Variants in CYRIB observed in about 807,000 individuals in gnomAD.
CYRIB encodes CYFIP-related Rac1 interactor B.
In CYRIB, 8 loss-of-function variants were observed where a neutral mutation model predicts 44.2. The ratio of observed to expected loss-of-function variants is 0.18; its 90% CI spans 0.11 to 0.33. The LOEUF (loss-of-function observed/expected upper bound fraction) is 0.33, where lower values mean the gene tolerates loss of function less well. CYRIB is among the 10% of genes least tolerant of loss of function. The probability of loss-of-function intolerance (pLI) is 1.00; values close to 1 mark genes in which losing one functional copy is unlikely to be tolerated. For synonymous variants in CYRIB, 131 were observed against 127.2 expected (o/e 1.03, Z -0.20); for missense variants, 185 against 382.8 (o/e 0.48, Z 4.31).
chr8:129,974,926 C>T (rs2095854380), intron 1 of CYRIB, among the ~76,000 whole-genome samples: 1 of 151,324 alleles, frequency 6.6e-6, no homozygotes, highest in African/African-American at 2.4e-5. Context: ...GTTCTGTCAC[C>T]CAGGCTGCAG....
intron 1 of CYRIB, among the ~76,000 whole-genome samples, chr8:130,011,707 C>T (rs539616285): frequency 2.0e-5 from 3 of 151,786 alleles, no homozygotes; most frequent in Non-Finnish European, 2.9e-5. Flanking sequence ...GTGGCGGGTG[C>T]CTGTAGTCCC....
chr8:129,865,915 G>C (rs1034998755), intron 4 of CYRIB, among the ~76,000 whole-genome samples: 4 of 152,186 alleles, frequency 2.6e-5, no homozygotes, highest in African/African-American at 9.7e-5. Context: ...ATATTTATCA[G>C]TAACACTAAT....
At chr8:129,967,165 G>A (rs1471004357) in intron 2 of CYRIB, among the ~76,000 whole-genome samples, 7 of 152,118 alleles carry the variant, frequency 4.6e-5, no homozygotes, top group Non-Finnish European at 1.0e-4. Flanking sequence ...AAAGGCAGTG[G>A]TGTTCTGAAG....
chr8:129,928,417 C>T (rs2089315103), intron 1 of CYRIB, among the ~76,000 whole-genome samples: 2 of 150,316 alleles, frequency 1.3e-5, no homozygotes, highest in African/African-American at 4.9e-5. Context: ...GACCTGGATA[C>T]AAAATATATA....
At chr8:129,924,930 G>A (rs528194347) in intron 1 of CYRIB, among the ~76,000 whole-genome samples, 1 of 152,320 alleles carries the variant, frequency 6.6e-6, no homozygotes, top group South Asian at 2.1e-4. Flanking sequence ...GTGACTGAAA[G>A]ATCTTTAGTA....
At chr8:129,917,020 C>T (rs2081111677) in intron 1 of CYRIB, among the ~76,000 whole-genome samples, 1 of 152,164 alleles carries the variant, frequency 6.6e-6, no homozygotes, top group Admixed American at 6.5e-5. Context: ...CTGTTGCAAG[C>T]ATTAAATAAG....
chr8:129,918,576 T>G (rs949225103), intron 1 of CYRIB, among the ~76,000 whole-genome samples: 1 of 152,198 alleles, frequency 6.6e-6, no homozygotes, highest in South Asian at 2.1e-4. Context: ...GAGATAAAGG[T>G]ATATTCCATG....
intron 2 of CYRIB, among the ~76,000 whole-genome samples, chr8:129,882,994 G>A (rs547260455): frequency 6.0e-5 from 9 of 151,086 alleles, no homozygotes; most frequent in Admixed American, 2.6e-4. Flanking sequence ...TCAGGAGTTC[G>A]AGACCAGTCT....
chr8:130,011,701 C>G (rs55878330), intron 1 of CYRIB, among the ~76,000 whole-genome samples: 1 of 148,848 alleles, frequency 6.7e-6, no homozygotes, highest in Non-Finnish European at 1.5e-5. Flanking sequence ...GGCATGGTGG[C>G]GGGTGCCTGT....
At chr8:129,918,991 G>A (rs1307277648) in intron 1 of CYRIB, among the ~76,000 whole-genome samples, 3 of 152,026 alleles carry the variant, frequency 2.0e-5, no homozygotes, top group Non-Finnish European at 4.4e-5. Context: ...ATACTCTAAG[G>A]TGTGTCCACC....
intron 4 of CYRIB, among the ~76,000 whole-genome samples, chr8:129,868,891 TAA>T (rs34829895): frequency 0.016 from 1,972 of 119,982 alleles, 48 homozygotes; most frequent in African/African-American, 0.055. Flanking sequence ...GTACTGCAAT[TAA>T]AAAAAAAAAA....
intron 6 of CYRIB, 125 bp from the exon 9 acceptor site, chr8:129,854,468 C>T: frequency 1.5e-6 from 1 of 652,470 alleles, no homozygotes; most frequent in South Asian, 2.1e-5. Context: ...ATTTTAAGAA[C>T]TAGCACTGGT....
chr8:129,933,887 CA>C lies in CYRIB; in HGVS notation c.-50+5720del, dbSNP rs530230225. ...ACAGAGTAAGACTCTGTCACACACA[CA>C]AAAAAAAAAAGAAGAAGAAGAAGAA... is the stretch of plus-strand genomic sequence containing the variant. On this transcript the variant is annotated intron_variant, in intron 1 of 11. Transcript: ENST00000519824. 3.2e-3 allele frequency among the ~76,000 whole-genome samples: 414 copies of C among 131,226 alleles called. 2 individuals are homozygous for C. The highest frequency in any genetic ancestry group is 9.2e-3 in the African/African-American group (328 of 35,514). The allele number at this position is 131,226 out of a possible 152,430, so 86.1% of individuals were successfully genotyped here.
At chr8:129,988,863 ACTT>A (rs2096550952) in intron 1 of CYRIB, among the ~76,000 whole-genome samples, 1 of 152,048 alleles carries the variant, frequency 6.6e-6, no homozygotes, top group African/African-American at 2.4e-5. Flanking sequence ...TACAAAGAAA[ACTT>A]CTCTCAACGC....
At chr8:129,992,313 TAAAAC>T (rs1000452236) in intron 1 of CYRIB, among the ~76,000 whole-genome samples, 4 of 151,908 alleles carry the variant, frequency 2.6e-5, no homozygotes, top group Non-Finnish European at 5.9e-5. Flanking sequence ...AAATAAAAAA[TAAAAC>T]AAAAACATTT....
Position 129,951,631 on chromosome 8 carries a change from G to A in CYRIB, c.-243+19312C>T, listed in dbSNP as rs546752619. ...TGAGGCAGGAGAATTGCTTGAACAC[G>A]GGAGGCAGAGGTTGCAGTGAGCCAA... On this transcript the variant is annotated intron_variant, in intron 2 of 14. Coordinates refer to the CYRIB transcript ENST00000401979. 6.9e-4 allele frequency among the ~76,000 whole-genome samples: 105 copies of A among 151,662 alleles called. 1 individual carries two copies. Among genetic ancestry groups the A allele is most frequent in the Non-Finnish European group, 5.2e-4 (35 of 67,914 alleles).
chr8:129,889,468 T>C (rs1376517625), intron 2 of CYRIB, among the ~76,000 whole-genome samples: 1 of 152,234 alleles, frequency 6.6e-6, no homozygotes, highest in Non-Finnish European at 1.5e-5. Flanking sequence ...TATGGATTCT[T>C]CTGATGGATC....
chr8:129,946,479 T>C (rs1484765282), intron 2 of CYRIB, among the ~76,000 whole-genome samples: 1 of 152,044 alleles, frequency 6.6e-6, no homozygotes, highest in Admixed American at 6.6e-5. Flanking sequence ...GAGGACTCCA[T>C]GGATATTTAA....
At chr8:129,889,169 A>G (rs2064027774) in intron 2 of CYRIB, among the ~76,000 whole-genome samples, 1 of 152,182 alleles carries the variant, frequency 6.6e-6, no homozygotes, top group Admixed American at 6.5e-5. Context: ...AAATGGTACA[A>G]CAAAGCCTAG....
Sources: gnomAD v4.1 joint callset for allele counts (sites outside exome capture counted in the v4.1 genomes callset) on GRCh38, gnomAD v4.1.1 for gene constraint, MANE v1.5 for transcripts, NCBI Gene and HGNC (gene_info 2026-07-23, HGNC 2026-07-21) for gene names.